RCAN2: variants seen among roughly 807,000 people sequenced by gnomAD.
The protein encoded by RCAN2 is calcipressin-2.
RCAN2 carries 9 observed loss-of-function variants against 23.6 expected under a neutral mutation model. The observed-to-expected ratio is 0.38, with a 90% CI of 0.23 to 0.67. The LOEUF is 0.67. RCAN2 is among the 30% of genes least tolerant of loss of function. RCAN2 has a pLI of 0.51. For missense variants in RCAN2, 273 were observed against 302.3 expected (o/e 0.90, Z 0.72); for synonymous variants, 109 against 115.7 (o/e 0.94, Z 0.37).
intron 1 of RCAN2, among the ~76,000 whole-genome samples, chr6:46,480,511 C>A (rs1768831769): frequency 6.6e-6 from 1 of 152,240 alleles, no homozygotes; most frequent in Admixed American, 6.5e-5. Flanking sequence ...ACACTGCTCT[C>A]AGTCATATCT....
chr6:46,363,264 C>T (rs907149124), intron 2 of RCAN2, among the ~76,000 whole-genome samples: 2 of 152,076 alleles, frequency 1.3e-5, no homozygotes, highest in African/African-American at 4.8e-5. Flanking sequence ...TTGTGTGTAT[C>T]ATGATTACAT....
At chr6:46,484,806 T>C (rs1386418013) in intron 1 of RCAN2, among the ~76,000 whole-genome samples, 4 of 152,202 alleles carry the variant, frequency 2.6e-5, no homozygotes, top group Non-Finnish European at 4.4e-5. Flanking sequence ...CCCACTCATC[T>C]TCAACTCCCT....
At chr6:46,340,124 T>C (rs886231999) in intron 2 of RCAN2, among the ~76,000 whole-genome samples, 1 of 152,202 alleles carries the variant, frequency 6.6e-6, no homozygotes, top group Non-Finnish European at 1.5e-5. Context: ...CATCTTTGCT[T>C]CCTTTCATGG....
intron 2 of RCAN2, among the ~76,000 whole-genome samples, chr6:46,311,434 C>G (rs1763256438): frequency 6.6e-6 from 1 of 152,146 alleles, no homozygotes; most frequent in African/African-American, 2.4e-5. Context: ...AGAAATGGTC[C>G]TGTCATCTGT....
At chr6:46,270,729 T>C (rs1281550938) in intron 2 of RCAN2, among the ~76,000 whole-genome samples, 1 of 152,212 alleles carries the variant, frequency 6.6e-6, no homozygotes, top group African/African-American at 2.4e-5. Context: ...CTCCTCTCAA[T>C]GGCCTCTTCT....
intron 4 of RCAN2, among the ~76,000 whole-genome samples, chr6:46,237,372 G>A (rs765687981): frequency 1.3e-5 from 2 of 152,162 alleles, no homozygotes; most frequent in Non-Finnish European, 2.9e-5. Context: ...CTTAGGGAAG[G>A]AAGTTTTGGA....
At chr6:46,275,586 A>G (rs1180601751) in intron 2 of RCAN2, among the ~76,000 whole-genome samples, 4 of 152,132 alleles carry the variant, frequency 2.6e-5, no homozygotes, top group Non-Finnish European at 5.9e-5. Context: ...TTGGCTTGGT[A>G]TAAGCATCAC....
intron 2 of RCAN2, among the ~76,000 whole-genome samples, chr6:46,334,346 G>T (rs997993238): frequency 6.6e-6 from 1 of 152,188 alleles, no homozygotes; most frequent in African/African-American, 2.4e-5. Flanking sequence ...AAACAACAAG[G>T]CCTGCCATGC....
intron 4 of RCAN2, among the ~76,000 whole-genome samples, chr6:46,243,948 C>T (rs1045582038): frequency 4.6e-5 from 7 of 151,976 alleles, no homozygotes; most frequent in African/African-American, 1.5e-4. Context: ...GGCCAGCTGG[C>T]GGAGTGTGAA....
intron 2 of RCAN2, among the ~76,000 whole-genome samples, chr6:46,452,082 C>T (rs976929142): frequency 6.6e-6 from 1 of 152,118 alleles, no homozygotes; most frequent in Non-Finnish European, 1.5e-5. Context: ...TAAATTTAAG[C>T]CTATTTTGTT....
Position 46,240,245 on chromosome 6 carries a change from A to G in RCAN2, c.571+6503T>C, listed in dbSNP as rs1442221. ...AAAAAATGCAAGGGTAAACACTACAATGATTCTTCCTTAAAGTACTTTTTT... is the reference window on the plus strand; with the variant it reads ...AAAAAATGCAAGGGTAAACACTACAGTGATTCTTCCTTAAAGTACTTTTTT... On this transcript the variant is annotated intron_variant, in intron 4 of 4. Coordinates refer to ENST00000371374, the MANE Select transcript of RCAN2 (RefSeq NM_001251974.2). 2.8e-3 allele frequency among the ~76,000 whole-genome samples: 431 copies of G among 152,292 alleles called. 1 individual carries two copies. Among genetic ancestry groups the G allele is most frequent in the Admixed American group, 7.1e-3 (109 of 15,288 alleles).
chr6:46,470,767 G>A lies in RCAN2; in HGVS notation c.-2-13789C>T, dbSNP rs190207082. On this transcript the variant is annotated intron_variant, in intron 1 of 4. Coordinates refer to ENST00000371374, the MANE Select transcript of RCAN2 (RefSeq NM_001251974.2). ...TAGTAAATATGAAACACTTAAAAAT[G>A]TAATAAGGGTATGAGTCTTAAAAAG... 3.9e-5 allele frequency among the ~76,000 whole-genome samples: 6 copies of A among 152,310 alleles called. No individual in the cohort carries two copies. The East Asian group carries it at 1.2e-3, about 29-fold the overall frequency.
At chr6:46,469,651 G>A (rs2150440509) in intron 1 of RCAN2, among the ~76,000 whole-genome samples, 1 of 152,282 alleles carries the variant, frequency 6.6e-6, no homozygotes, top group Middle Eastern at 3.4e-3. Context: ...GAAGTGGGAA[G>A]AGGATGTATA....
chr6:46,476,875 AG>A (rs1477391146), intron 1 of RCAN2, among the ~76,000 whole-genome samples: 4 of 152,202 alleles, frequency 2.6e-5, no homozygotes, highest in Non-Finnish European at 5.9e-5. Flanking sequence ...GTGAGATTAA[AG>A]GGTTAAAACT....
At chr6:46,291,589 T>G (rs1199429408) in intron 2 of RCAN2, among the ~76,000 whole-genome samples, 2 of 152,130 alleles carry the variant, frequency 1.3e-5, no homozygotes, top group East Asian at 3.9e-4. Flanking sequence ...AGTGTCTTTT[T>G]CTTCCTAACA....
intron 2 of RCAN2, among the ~76,000 whole-genome samples, chr6:46,281,125 G>A (rs1767897147): frequency 6.6e-6 from 1 of 151,802 alleles, no homozygotes; most frequent in Admixed American, 6.6e-5. Context: ...GAGTGAGGGA[G>A]GGGGAGAAGA....
chr6:46,391,485 G>C (rs1765938217), intron 2 of RCAN2, among the ~76,000 whole-genome samples: 1 of 152,164 alleles, frequency 6.6e-6, no homozygotes, highest in African/African-American at 2.4e-5. Context: ...GCTGCACATA[G>C]ATAGGGCAAG....
chr6:46,260,402 T>C (rs1767070857), intron 2 of RCAN2, among the ~76,000 whole-genome samples: 1 of 152,136 alleles, frequency 6.6e-6, no homozygotes, highest in Non-Finnish European at 1.5e-5. Flanking sequence ...ACGCACCCTA[T>C]TATAGATGGC....
chr6:46,402,205 C>T (rs1469905174), intron 2 of RCAN2, among the ~76,000 whole-genome samples: 1 of 152,124 alleles, frequency 6.6e-6, no homozygotes, highest in Non-Finnish European at 1.5e-5. Flanking sequence ...CATGGAGTCA[C>T]TGGGCACTTA....
Sources: gnomAD v4.1 joint callset for allele counts (sites outside exome capture counted in the v4.1 genomes callset) on GRCh38, gnomAD v4.1.1 for gene constraint, MANE v1.5 for transcripts, NCBI Gene and HGNC (gene_info 2026-07-23, HGNC 2026-07-21) for gene names.